The following CNTN1 variants were observed in gnomAD, a reference collection of about 807,000 sequenced individuals.
CNTN1 encodes contactin 1.
Under a neutral mutation model 126.4 loss-of-function variants are expected in CNTN1, and 38 were observed. The observed-to-expected ratio is 0.30, with a 90% CI of 0.23 to 0.39. The LOEUF (loss-of-function observed/expected upper bound fraction) is 0.39. Ranked by LOEUF, CNTN1 falls within the 10% of genes least tolerant of loss-of-function variation. The pLI, the probability that CNTN1 is intolerant of heterozygous loss-of-function variation, is 1.00. For synonymous variants in CNTN1, 413 were observed against 422.6 expected, an observed-to-expected ratio of 0.98 and a Z score of 0.28; for missense variants, 1,009 against 1,248.4, an observed-to-expected ratio of 0.81 and a Z score of 2.89.
chr12:40,954,541 A>G (rs1946803758), intron 14 of CNTN1, among the ~76,000 whole-genome samples: 1 of 152,082 alleles, frequency 6.6e-6, no homozygotes. Context: ...TGTTAGATGA[A>G]TTCTATTTAG....
Position 41,025,182 on chromosome 12 carries a change from A to C in CNTN1, c.2556A>C (p.Glu852Asp), listed in dbSNP as rs774196877. 1.9e-6 allele frequency: 3 copies of C among 1,613,974 alleles called. No homozygotes were observed. The South Asian group carries it at 3.3e-5, about 18-fold the overall frequency. ...IRYWAAHDKE[E>D]AANRVQVTSQ... ...ATTGGGCTGCCCATGACAAAGAAGA[A>C]GCTGCAAACAGAGTTCAAGTCACCA... Residue 852 changes from glutamate (E) to aspartate (D), a missense_variant, in exon 21 of 24, where the codon GAA becomes GAC. Transcript: ENST00000551295.
At chr12:40,772,543 T>C (rs1033933132) in intron 1 of CNTN1, among the ~76,000 whole-genome samples, 3 of 152,030 alleles carry the variant, frequency 2.0e-5, no homozygotes, top group African/African-American at 7.2e-5. Flanking sequence ...CCTATACCTG[T>C]ACAATTTTTG....
chr12:41,021,696 G>T (rs1948916346), intron 20 of CNTN1, among the ~76,000 whole-genome samples: 1 of 148,026 alleles, frequency 6.8e-6, no homozygotes, highest in African/African-American at 2.5e-5. Context: ...AGAGCCCTCA[G>T]ATCATCTATG....
chr12:40,822,837 G>T (rs968843823), intron 1 of CNTN1, among the ~76,000 whole-genome samples: 2 of 152,100 alleles, frequency 1.3e-5, no homozygotes, highest in African/African-American at 4.8e-5. Flanking sequence ...GAGTATGATT[G>T]AATCCATCAC....
chr12:40,811,517 C>T (rs1941059889), intron 1 of CNTN1, among the ~76,000 whole-genome samples: 1 of 152,028 alleles, frequency 6.6e-6, no homozygotes, highest in Admixed American at 6.6e-5. Context: ...TAGAATTCAC[C>T]AGTAAAGTCA....
At position 40,816,701 on chromosome 12, in the gene CNTN1, G is replaced by T. The variant is rs145500950; in HGVS notation, c.-76-91656G>T. ...CTTCTGGCAGCTTTTGGATTCTTTT[G>T]CTCTTGCCTCTCTAGCTCTTTTAAT... On this transcript the variant is annotated intron_variant, in intron 1 of 23. Coordinates refer to ENST00000551295, the MANE Select transcript of CNTN1 (RefSeq NM_001843.4). Among the ~76,000 whole-genome samples, 564 of 151,524 alleles carry T rather than the reference G, an allele frequency of 3.7e-3. 5 individuals are homozygous for T. The highest frequency in any genetic ancestry group is 0.013 in the African/African-American group (541 of 41,278).
intron 1 of CNTN1, among the ~76,000 whole-genome samples, chr12:40,809,133 T>C (rs746554070): frequency 6.6e-6 from 1 of 152,200 alleles, no homozygotes; most frequent in Non-Finnish European, 1.5e-5. Context: ...AAGTAACACT[T>C]TGTTCAGAAA....
intron 1 of CNTN1, among the ~76,000 whole-genome samples, chr12:40,855,165 G>C (rs1487682649): frequency 6.6e-6 from 1 of 152,046 alleles, no homozygotes; most frequent in Non-Finnish European, 1.5e-5. Flanking sequence ...CTAGTCTAGT[G>C]GTTACCAAAC....
chr12:40,989,132 G>A (rs1293181217), intron 16 of CNTN1, among the ~76,000 whole-genome samples: 1 of 152,162 alleles, frequency 6.6e-6, no homozygotes, highest in Non-Finnish European at 1.5e-5. Flanking sequence ...AAGCAAAGCT[G>A]ACTTCTTTAG....
At chr12:40,890,663 A>G (rs1274256485) in intron 1 of CNTN1, among the ~76,000 whole-genome samples, 1 of 152,072 alleles carries the variant, frequency 6.6e-6, no homozygotes, top group Non-Finnish European at 1.5e-5. Flanking sequence ...TTTCCTTAAT[A>G]TATTCTCCTG....
At chr12:40,926,171 G>GGATA (rs56862813) in intron 6 of CNTN1, among the ~76,000 whole-genome samples, 39,020 of 137,260 alleles carry the variant, frequency 0.28, 5,614 homozygotes, top group African/African-American at 0.32. Flanking sequence ...TGCTAAATAA[G>GGATA]GATAGATAGA....
At chr12:40,724,294 G>A (rs1019097536) in intron 1 of CNTN1, among the ~76,000 whole-genome samples, 1 of 152,136 alleles carries the variant, frequency 6.6e-6, no homozygotes, top group Non-Finnish European at 1.5e-5. Flanking sequence ...TGGGAACAAA[G>A]AGAGGGCACC....
At chr12:40,843,699 T>C (rs963702089) in intron 1 of CNTN1, among the ~76,000 whole-genome samples, 10 of 152,328 alleles carry the variant, frequency 6.6e-5, no homozygotes, top group African/African-American at 2.4e-4. Flanking sequence ...AATTATATAA[T>C]ACAAATTGTT....
chr12:40,734,943 C>T (rs778449819), intron 1 of CNTN1, among the ~76,000 whole-genome samples: 3 of 152,018 alleles, frequency 2.0e-5, no homozygotes, highest in African/African-American at 7.2e-5. Context: ...CAAAGTCATT[C>T]ATCAGGAAAA....
At chr12:40,792,335 C>T (rs1181239394) in intron 1 of CNTN1, among the ~76,000 whole-genome samples, 13 of 152,026 alleles carry the variant, frequency 8.6e-5, no homozygotes. Flanking sequence ...GCTTATTTTA[C>T]TTATTGTGAC....
intron 1 of CNTN1, among the ~76,000 whole-genome samples, chr12:40,709,201 A>T (rs1231859587): frequency 6.6e-6 from 1 of 152,256 alleles, no homozygotes; most frequent in African/African-American, 2.4e-5. Context: ...AAATAACAGC[A>T]GTCTCTTCAT....
rs56655599 is a variant in CNTN1 at position 41,046,847 on chromosome 12, CTTTTTTTTTTT to C, written c.2980+17638_2980+17648del. On this transcript the variant is annotated intron_variant, in intron 23 of 23. Transcript: ENST00000551295. The stretch of plus-strand genomic sequence containing the variant: ...CTACCAGTGATCTTATTGCTTATTT[CTTTTTTTTTTT>C]TTTTTTTTTGTCCTTCATTCATCCT... 1.2e-4 allele frequency among the ~76,000 whole-genome samples: 14 copies of C among 118,990 alleles called. No homozygotes were observed. The South Asian group carries it at 4.0e-3, about 34-fold the overall frequency. The allele number at this position is 118,990 out of a possible 152,430, so 78.1% of individuals were successfully genotyped here.
intron 6 of CNTN1, among the ~76,000 whole-genome samples, chr12:40,926,951 A>G (rs1374515471): frequency 6.6e-6 from 1 of 152,120 alleles, no homozygotes; most frequent in African/African-American, 2.4e-5. Flanking sequence ...GAAGGAATAG[A>G]TGTGGACATG....
At chr12:40,937,316 G>A (rs1203699078) in intron 10 of CNTN1, among the ~76,000 whole-genome samples, 1 of 152,068 alleles carries the variant, frequency 6.6e-6, no homozygotes, top group Non-Finnish European at 1.5e-5. Context: ...CCTTCCCACT[G>A]TAATCTCCCA....
Sources: gnomAD v4.1 joint callset for allele counts (sites outside exome capture counted in the v4.1 genomes callset) on GRCh38, gnomAD v4.1.1 for gene constraint, MANE v1.5 for transcripts, NCBI Gene and HGNC (gene_info 2026-07-23, HGNC 2026-07-21) for gene names.